HNF4G: variants seen among roughly 807,000 people sequenced by gnomAD.
HNF4G encodes the protein hepatocyte nuclear factor 4 gamma, also known as hepatocyte nuclear factor 4-gamma.
HNF4G carries 21 observed loss-of-function variants against 50.9 expected under a neutral mutation model. The ratio of observed to expected loss-of-function variants is 0.41; its 90% CI spans 0.29 to 0.59. The LOEUF is 0.59. HNF4G is among the 20% of genes least tolerant of loss of function. The probability of loss-of-function intolerance (pLI) is 0.26; values close to 1 mark genes in which losing one functional copy is unlikely to be tolerated. For missense variants in HNF4G, 527 were observed against 559.4 expected (o/e 0.94, Z 0.58); for synonymous variants, 198 against 185.6 (o/e 1.07, Z -0.54).
Position 75,564,212 on chromosome 8 carries a change from A to G in HNF4G, c.*116A>G, listed in dbSNP as rs1807399100. 2 of 1,048,740 alleles carry G rather than the reference A, an allele frequency of 1.9e-6. No individual in the cohort carries two copies. Among genetic ancestry groups the G allele is most frequent in the East Asian group, 2.4e-5 (1 of 41,016 alleles). The allele number at this position is 1,048,740 out of a possible 1,614,324, so 65.0% of individuals were successfully genotyped here. A position where few individuals can be genotyped will look rare whatever the true frequency, so the allele number is the denominator to read the frequency against. On this transcript the variant is annotated 3_prime_UTR_variant, in exon 10 of 10. Transcript: ENST00000396423. ...CCAAGGCTTCTTCATTGGTGCTGTTATAAGATGGTGTCCTATTTTCTTGTT... is the reference window on the plus strand; with the variant it reads ...CCAAGGCTTCTTCATTGGTGCTGTTGTAAGATGGTGTCCTATTTTCTTGTT...
chr8:75,558,133 C>T (rs560275751), intron 6 of HNF4G, among the ~76,000 whole-genome samples: 89 of 151,990 alleles, frequency 5.9e-4, no homozygotes, highest in African/African-American at 2.0e-3. Flanking sequence ...GTTTTTAATC[C>T]GCTGTAAACA....
chr8:75,471,329 C>T (rs1381328000), intron 1 of HNF4G, among the ~76,000 whole-genome samples: 1 of 152,042 alleles, frequency 6.6e-6, no homozygotes, highest in Non-Finnish European at 1.5e-5. Flanking sequence ...TCAGCTTGCC[C>T]TCCTTTTATA....
intron 2 of HNF4G, among the ~76,000 whole-genome samples, chr8:75,527,406 C>T (rs921787911): frequency 6.6e-6 from 1 of 152,156 alleles, no homozygotes; most frequent in African/African-American, 2.4e-5. Flanking sequence ...AGTAAAGGCT[C>T]GCAGGAGCAT....
intron 1 of HNF4G, among the ~76,000 whole-genome samples, chr8:75,473,842 G>T (rs934098004): frequency 1.3e-5 from 2 of 151,844 alleles, no homozygotes; most frequent in African/African-American, 4.8e-5. Flanking sequence ...TCTTGGGCAC[G>T]GTTTGGGTAG....
chr8:75,539,899 A>C lies in HNF4G; in HGVS notation c.-64A>C, dbSNP rs570717720. 1 of 751,940 alleles carries C rather than the reference A, an allele frequency of 1.3e-6. No homozygotes were observed. The highest frequency in any genetic ancestry group is 1.8e-5 in the African/African-American group (1 of 56,864). 46.6% of individuals were successfully genotyped at this position (751,940 alleles called of 1,614,324 possible). A position where few individuals can be genotyped will look rare whatever the true frequency, so the allele number is the denominator to read the frequency against. Reference sequence around the variant, plus strand: ...AGCACTCACAGATTGAAAGCAAAACACATCAAAACACTCATCACGCACTCT... The same window carrying C: ...AGCACTCACAGATTGAAAGCAAAACCCATCAAAACACTCATCACGCACTCT... On this transcript the variant is annotated 5_prime_UTR_variant, in exon 1 of 10. Coordinates refer to ENST00000396423, the MANE Select transcript of HNF4G (RefSeq NM_004133.5).
chr8:75,477,184 T>A (rs1376336010), intron 1 of HNF4G, among the ~76,000 whole-genome samples: 1 of 152,194 alleles, frequency 6.6e-6, no homozygotes, highest in Non-Finnish European at 1.5e-5. Context: ...TTTGGTTTTT[T>A]AAGATTATAT....
chr8:75,559,277 G>GTTT (rs112670281), intron 8 of HNF4G, among the ~76,000 whole-genome samples: 4 of 42,772 alleles, frequency 9.4e-5, no homozygotes, highest in South Asian at 5.1e-4. Context: ...TTTTTTGTTT[G>GTTT]TTTTTTTTTT....
intron 1 of HNF4G, among the ~76,000 whole-genome samples, chr8:75,454,757 T>A (rs1811680041): frequency 6.6e-6 from 1 of 152,196 alleles, no homozygotes; most frequent in Admixed American, 6.5e-5. Flanking sequence ...CATTAAGCAG[T>A]CACTGACATT....
intron 1 of HNF4G, among the ~76,000 whole-genome samples, chr8:75,416,939 A>T (rs1178737511): frequency 1.2e-4 from 18 of 152,256 alleles, no homozygotes; most frequent in Admixed American, 1.2e-3. Flanking sequence ...ATTGTGAGAC[A>T]TAAATAAGAT....
chr8:75,506,983 G>T (rs1192885661), intron 2 of HNF4G, among the ~76,000 whole-genome samples: 1 of 152,104 alleles, frequency 6.6e-6, no homozygotes, highest in Non-Finnish European at 1.5e-5. Context: ...TTTTATTTGG[G>T]CCTAAAAATG....
chr8:75,552,967 T>C (rs767493678), intron 4 of HNF4G, 75 bp from the exon 5 acceptor site: 87 of 1,022,880 alleles, frequency 8.5e-5, no homozygotes, highest in Non-Finnish European at 1.0e-4. Flanking sequence ...TTACTTATCA[T>C]AGTCAAAAGA....
At chr8:75,495,935 T>A (rs1307721228) in intron 2 of HNF4G, among the ~76,000 whole-genome samples, 1 of 152,190 alleles carries the variant, frequency 6.6e-6, no homozygotes, top group Non-Finnish European at 1.5e-5. Context: ...TATTATTTTG[T>A]CCCTATTATT....
At chr8:75,527,355 A>T (rs1346223888) in intron 2 of HNF4G, among the ~76,000 whole-genome samples, 1 of 152,204 alleles carries the variant, frequency 6.6e-6, no homozygotes, top group African/African-American at 2.4e-5. Flanking sequence ...AAACACACAC[A>T]AAAGGAAGGT....
intron 1 of HNF4G, among the ~76,000 whole-genome samples, chr8:75,480,872 G>T (rs763457550): frequency 4.6e-5 from 7 of 151,768 alleles, no homozygotes; most frequent in African/African-American, 2.4e-5. Context: ...CACCACACTC[G>T]GCTAATTTTT....
chr8:75,480,009 A>T lies in HNF4G; in HGVS notation c.-143-10080A>T, dbSNP rs534738243. On this transcript the variant is annotated intron_variant, in intron 1 of 10. Transcript: ENST00000354370. ...TTTTTTTTTTTGATGTTATAGAAAA[A>T]AGTGTTATTTTTTGGAAAAATTCTC... Among the ~76,000 whole-genome samples the T allele has an allele frequency of 7.9e-5, 12 of 152,242 alleles. No individual in the cohort carries two copies. The South Asian group carries it at 2.5e-3, about 32-fold the overall frequency.
intron 1 of HNF4G, among the ~76,000 whole-genome samples, chr8:75,481,052 C>G (rs1273951252): frequency 2.0e-5 from 3 of 152,076 alleles, no homozygotes; most frequent in African/African-American, 7.2e-5. Context: ...GGAATTAGAT[C>G]ACTGGTTTTC....
At chr8:75,537,084 G>A (rs1345273744), upstream of HNF4G, among the ~76,000 whole-genome samples, 1 of 151,786 alleles carries the variant, frequency 6.6e-6, no homozygotes, top group Non-Finnish European at 1.5e-5. Context: ...TAGTTTTCAG[G>A]GTAGGCACAT....
chr8:75,508,802 G>A (rs1270881034), intron 2 of HNF4G, among the ~76,000 whole-genome samples: 1 of 152,198 alleles, frequency 6.6e-6, no homozygotes, highest in Non-Finnish European at 1.5e-5. Flanking sequence ...ACTGACAAAA[G>A]ATGAAGCTGA....
At chr8:75,538,544 A>G (rs1451968982), upstream of HNF4G, among the ~76,000 whole-genome samples, 2 of 152,164 alleles carry the variant, frequency 1.3e-5, no homozygotes, top group Non-Finnish European at 2.9e-5. Context: ...TTTGGTTCCT[A>G]TAGAAAAGAA....
Sources: gnomAD v4.1 joint callset for allele counts (sites outside exome capture counted in the v4.1 genomes callset) on GRCh38, gnomAD v4.1.1 for gene constraint, MANE v1.5 for transcripts, NCBI Gene and HGNC (gene_info 2026-07-23, HGNC 2026-07-21) for gene names.